Variants in NAV1 observed in about 807,000 individuals in gnomAD.
NAV1 encodes neuron navigator 1.
A neutral mutation model predicts 175.2 loss-of-function variants in NAV1; 18 were observed. That is an observed-to-expected ratio of 0.10 (90% CI 0.07 to 0.15). The LOEUF (loss-of-function observed/expected upper bound fraction) is 0.15. NAV1 is among the 10% of genes least tolerant of loss of function. The pLI is 1.00. For missense variants in NAV1, 1,731 were observed against 2,436.6 expected (o/e 0.71, Z 6.10); for synonymous variants, 897 against 978.7 (o/e 0.92, Z 1.56).
At chr1:201,627,729 C>T (rs1054913446) in intron 1 of NAV1, among the ~76,000 whole-genome samples, 1 of 152,154 alleles carries the variant, frequency 6.6e-6, no homozygotes, top group African/African-American at 2.4e-5. Context: ...TACTTTCTCA[C>T]CAATATGTTG....
At chr1:201,575,740 A>G (rs114301711) in intron 1 of NAV1, among the ~76,000 whole-genome samples, 74 of 152,284 alleles carry the variant, frequency 4.9e-4, no homozygotes, top group African/African-American at 1.6e-3. Flanking sequence ...TTTCTTTGAT[A>G]AAGTGTTTCT....
chr1:201,715,096 G>C (rs968095625), intron 2 of NAV1, among the ~76,000 whole-genome samples: 2 of 152,016 alleles, frequency 1.3e-5, no homozygotes, highest in African/African-American at 2.4e-5. Context: ...TCCTCTCATA[G>C]GCTTTGGTTT....
At chr1:201,734,090 G>A (rs922933370) in intron 3 of NAV1, among the ~76,000 whole-genome samples, 1 of 152,050 alleles carries the variant, frequency 6.6e-6, no homozygotes, top group African/African-American at 2.4e-5. Flanking sequence ...AAGTGGAGGT[G>A]GGGAGAAGGT....
At chr1:201,594,101 G>A (rs1247541889) in intron 2 of NAV1, among the ~76,000 whole-genome samples, 1 of 150,874 alleles carries the variant, frequency 6.6e-6, no homozygotes, top group Non-Finnish European at 1.5e-5. Flanking sequence ...TGGTAGCAAG[G>A]TTTATTGTGA....
intron 1 of NAV1, among the ~76,000 whole-genome samples, chr1:201,669,844 G>A (rs1388476352): frequency 6.6e-6 from 1 of 152,150 alleles, no homozygotes; most frequent in Non-Finnish European, 1.5e-5. Flanking sequence ...GATTCCCCGG[G>A]AAAAGAGACA....
chr1:201,786,692 G>A, intron 9 of NAV1, 115 bp downstream of exon 13: 1 of 1,038,086 alleles, frequency 9.6e-7, no homozygotes, highest in Non-Finnish European at 1.4e-6. Context: ...TGCTGTATTG[G>A]GTTGTTTCAT....
intron 1 of NAV1, among the ~76,000 whole-genome samples, chr1:201,651,643 C>G (rs1470310650): frequency 6.6e-6 from 1 of 152,116 alleles, no homozygotes. Context: ...ACATTGATCT[C>G]CTGAGGACTA....
chr1:201,616,257 A>G (rs1243079212), intron 2 of NAV1, among the ~76,000 whole-genome samples: 1 of 152,140 alleles, frequency 6.6e-6, no homozygotes, highest in Non-Finnish European at 1.5e-5. Context: ...GCTCCAGAGT[A>G]TATTCTTTAA....
At chr1:201,666,505 A>T (rs1365563224) in intron 1 of NAV1, among the ~76,000 whole-genome samples, 1 of 152,196 alleles carries the variant, frequency 6.6e-6, no homozygotes, top group Admixed American at 6.5e-5. Flanking sequence ...GGAGAAAATG[A>T]TAGTAACAAG....
intron 3 of NAV1, among the ~76,000 whole-genome samples, chr1:201,761,157 G>C (rs1160995634): frequency 6.6e-6 from 1 of 152,100 alleles, no homozygotes; most frequent in African/African-American, 2.4e-5. Flanking sequence ...AGCTTTTGTA[G>C]AAACACTAAA....
Position 201,788,734 on chromosome 1 carries a change from A to T in NAV1, c.3166+96A>T. On this transcript the variant is annotated intron_variant, in intron 10 of 29. Transcript: ENST00000367296. This position sits in a 1 kb window ranked among gnomAD's most constrained non-coding sequence, Gnocchi z 5.7. ...TCCCACCACTCCTACCACCACACAC[A>T]TATATGATTCACAGAACATCAAGTT... 1 of 1,325,960 alleles carries T rather than the reference A, an allele frequency of 7.5e-7. No individual in the cohort carries two copies. The highest frequency in any genetic ancestry group is 1.0e-6 in the Non-Finnish European group (1 of 965,474). The allele number at this position is 1,325,960 out of a possible 1,614,324, so 82.1% of individuals were successfully genotyped here.
chr1:201,546,113 C>A (rs1365426899), intron 1 of NAV1, among the ~76,000 whole-genome samples: 2 of 152,200 alleles, frequency 1.3e-5, no homozygotes, highest in Non-Finnish European at 1.5e-5. Flanking sequence ...GGGGCCCCAG[C>A]CAGGACCCAT....
chr1:201,666,174 G>A (rs911043706), intron 1 of NAV1, among the ~76,000 whole-genome samples: 6 of 152,062 alleles, frequency 3.9e-5, no homozygotes, highest in African/African-American at 1.4e-4. Flanking sequence ...CTGGGCCTCC[G>A]ATCTGCCCAT....
At chr1:201,729,306 C>T (rs1022215372) in intron 3 of NAV1, among the ~76,000 whole-genome samples, 4 of 152,190 alleles carry the variant, frequency 2.6e-5, no homozygotes, top group Admixed American at 6.5e-5. Flanking sequence ...AATACGAATA[C>T]GGCAATAGTA....
intron 1 of NAV1, among the ~76,000 whole-genome samples, chr1:201,576,911 T>C (rs576912926): frequency 1.3e-5 from 2 of 152,354 alleles, no homozygotes; most frequent in Admixed American, 6.5e-5. Context: ...TTCACGTGCT[T>C]ATTTAGACAT....
exon 30 of NAV1, chr1:201,824,017 A>C (rs1246044831): frequency 1.3e-5 from 2 of 151,990 alleles, no homozygotes; most frequent in Non-Finnish European, 2.9e-5. Context: ...TCAGTCCTCC[A>C]AATCAAGGTC....
At chr1:201,824,519 TGCCG>T (rs1467969802) in exon 30 of NAV1, 2 of 152,172 alleles carry the variant, frequency 1.3e-5, no homozygotes, top group Non-Finnish European at 2.9e-5. Context: ...AAGTGAGCAC[TGCCG>T]GCCACAGATC....
chr1:201,801,619 C>T (rs1677872294), intron 15 of NAV1, among the ~76,000 whole-genome samples: 1 of 152,032 alleles, frequency 6.6e-6, no homozygotes. Flanking sequence ...CTGAGCCAAG[C>T]CTAAAAAATC....
At chr1:201,552,816 C>T (rs143674628) in intron 1 of NAV1, among the ~76,000 whole-genome samples, 3 of 152,186 alleles carry the variant, frequency 2.0e-5, no homozygotes, top group African/African-American at 7.2e-5. Flanking sequence ...TTAGCCCCAG[C>T]CATGCAGACT....
Sources: allele counts gnomAD v4.1 joint callset (sites outside exome capture counted in the v4.1 genomes callset), GRCh38; gene constraint gnomAD v4.1.1; non-coding constraint Gnocchi (gnomAD v3.1); transcripts MANE v1.5; gene names NCBI Gene and HGNC (gene_info 2026-07-23, HGNC 2026-07-21).